The following NPIPB8 variants were observed in gnomAD, a reference collection of about 807,000 sequenced individuals.
NPIPB8 encodes the protein nuclear pore complex-interacting protein family member B8.
A neutral mutation model predicts 5.3 loss-of-function variants in NPIPB8; 3 were observed. The observed-to-expected ratio is 0.57, with a 90% CI of 0.26 to 1.47. The LOEUF (loss-of-function observed/expected upper bound fraction) is 1.47, where lower values mean the gene tolerates loss of function less well. NPIPB8 is among the 40% of genes most tolerant of loss of function. NPIPB8 has a pLI of 0.13. For synonymous variants in NPIPB8, 18 were observed against 23.0 expected (o/e 0.78, Z 0.62); for missense variants, 50 against 50.2 (o/e 1.00, Z 0.01).
intron 2 of NPIPB8, among the ~76,000 whole-genome samples, chr16:28,639,456 T>TA (rs773775499): frequency 0.42 from 36,203 of 86,284 alleles, 6,027 homozygotes; most frequent in Admixed American, 0.48. Flanking sequence ...TATATATATA[T>TA]TTTTTTTTTT....
chr16:28,638,348 T>A lies in NPIPB8; in HGVS notation c.-13T>A, dbSNP rs746001574. The A allele has an allele frequency of 7.0e-6, 11 of 1,566,126 alleles. No individual in the cohort carries two copies. Among genetic ancestry groups the A allele is most frequent in the Non-Finnish European group, 9.5e-6 (11 of 1,163,500 alleles). The stretch of plus-strand genomic sequence containing the variant: ...GTTGGCACTCATCATGAGCCCCTGT[T>A]CTCATTCTGCAAATGGTGAAGCTCT... On this transcript the variant is annotated 5_prime_UTR_variant, in exon 2 of 8. Transcript: ENST00000683297.
At chr16:28,640,381 G>T (rs556786801) in intron 2 of NPIPB8, among the ~76,000 whole-genome samples, 18 of 152,244 alleles carry the variant, frequency 1.2e-4, no homozygotes, top group African/African-American at 3.6e-4. Context: ...GAGAATAAAG[G>T]AGCAGCCTCC....
chr16:28,652,704 C>G (rs1343456383), intron 5 of NPIPB8, among the ~76,000 whole-genome samples: 1 of 125,882 alleles, frequency 7.9e-6, no homozygotes, highest in Admixed American at 8.0e-5. Context: ...TGGCTTCAAG[C>G]AATTCTCCTG....
intron 2 of NPIPB8, among the ~76,000 whole-genome samples, chr16:28,643,042 G>C (rs901790161): frequency 6.6e-6 from 1 of 151,922 alleles, no homozygotes; most frequent in Non-Finnish European, 1.5e-5. Flanking sequence ...AGACAGTGGG[G>C]GTCTGTCCTG....
chr16:28,642,323 C>G (rs1246410508), intron 2 of NPIPB8, among the ~76,000 whole-genome samples: 1 of 151,972 alleles, frequency 6.6e-6, no homozygotes, highest in African/African-American at 2.4e-5. Flanking sequence ...TCAGGCTGGT[C>G]TCGAACTCCT....
Position 28,651,645 on chromosome 16 carries a change from T to A in NPIPB8, c.304-312T>A, listed in dbSNP as rs1298445919. Reference sequence around the variant, plus strand: ...GTGTGTGTGTGTGTGTGTGTGTGTGTGAGAGACAGAGTCTCATTCTGTCGC... The same window carrying A: ...GTGTGTGTGTGTGTGTGTGTGTGTGAGAGAGACAGAGTCTCATTCTGTCGC... On this transcript the variant is annotated intron_variant, in intron 3 of 7. Coordinates refer to ENST00000683297, the MANE Select transcript of NPIPB8 (RefSeq NM_001310136.2). Among the ~76,000 whole-genome samples, 199 of 72,684 alleles carry A rather than the reference T, an allele frequency of 2.7e-3. 24 individuals are homozygous for A. Among genetic ancestry groups the A allele is most frequent in the East Asian group, 7.5e-3 (20 of 2,652 alleles). 47.7% of individuals were successfully genotyped at this position (72,684 alleles called of 152,430 possible).
At chr16:28,652,920 T>C (rs1406657213) in intron 5 of NPIPB8, among the ~76,000 whole-genome samples, 1 of 127,798 alleles carries the variant, frequency 7.8e-6, no homozygotes, top group Non-Finnish European at 1.7e-5. Context: ...TTTTTTTTTT[T>C]AATTTTGAGA....
chr16:28,642,724 C>T (rs538051813), intron 2 of NPIPB8, among the ~76,000 whole-genome samples: 211 of 151,528 alleles, frequency 1.4e-3, no homozygotes, highest in South Asian at 2.9e-3. Context: ...CCTTGTGATC[C>T]GCCCACCTCG....
chr16:28,643,317 G>T (rs905498696), intron 2 of NPIPB8, among the ~76,000 whole-genome samples: 1 of 133,948 alleles, frequency 7.5e-6, no homozygotes, highest in African/African-American at 2.8e-5. Context: ...ATCATCACTC[G>T]GTTTCGGATG....
chr16:28,645,039 CTTTT>C (rs1241912180), intron 2 of NPIPB8, among the ~76,000 whole-genome samples: 10 of 66,304 alleles, frequency 1.5e-4, no homozygotes, highest in African/African-American at 6.7e-4. Flanking sequence ...GGTTTGATGA[CTTTT>C]TTTTTTTTTT....
At chr16:28,644,806 G>T (rs565537015) in intron 2 of NPIPB8, among the ~76,000 whole-genome samples, 15 of 84,942 alleles carry the variant, frequency 1.8e-4, no homozygotes, top group Admixed American at 3.8e-4. Context: ...ACTAGCCAGG[G>T]CATCATGGCG....
chr16:28,640,641 G>A (rs1433745377), intron 2 of NPIPB8, among the ~76,000 whole-genome samples: 3 of 152,070 alleles, frequency 2.0e-5, no homozygotes, highest in Non-Finnish European at 2.9e-5. Flanking sequence ...AAGAGAGTGG[G>A]GAACTGATGG....
At chr16:28,639,003 A>G (rs1428824897) in intron 2 of NPIPB8, among the ~76,000 whole-genome samples, 2 of 149,252 alleles carry the variant, frequency 1.3e-5, no homozygotes, top group African/African-American at 2.5e-5. Flanking sequence ...CAGGAGGTGG[A>G]GGTTTTAGTG....
intron 5 of NPIPB8, among the ~76,000 whole-genome samples, chr16:28,652,704 C>A (rs1343456383): frequency 7.9e-6 from 1 of 125,882 alleles, no homozygotes; most frequent in Non-Finnish European, 1.7e-5. Flanking sequence ...TGGCTTCAAG[C>A]AATTCTCCTG....
At chr16:28,654,008 C>CT (rs1159787064) in intron 5 of NPIPB8, among the ~76,000 whole-genome samples, 1 of 36,004 alleles carries the variant, frequency 2.8e-5, no homozygotes, top group Non-Finnish European at 5.3e-5. Context: ...GCGAGGCTGA[C>CT]TTTCGTCCTG....
At chr16:28,642,034 G>C (rs1054882723) in intron 2 of NPIPB8, among the ~76,000 whole-genome samples, 11 of 151,060 alleles carry the variant, frequency 7.3e-5, no homozygotes, top group African/African-American at 2.4e-4. Context: ...ATTCACTTTT[G>C]CTCTAATCTG....
rs564997442 is a variant in NPIPB8, at chr16:28,642,532, T to G, written c.120+4052T>G. Among the ~76,000 whole-genome samples, 236 of 151,148 alleles carry G rather than the reference T, an allele frequency of 1.6e-3. 1 individual carries two copies. The highest frequency in any genetic ancestry group is 1.1e-3 in the Non-Finnish European group (72 of 67,678). On this transcript the variant is annotated intron_variant, in intron 2 of 7. Transcript: ENST00000683297. ...CAGAGTCTCGCTCTGTCGCCTAGGC[T>G]GGAGTGCAGTGGTGCAATCTCGGCT...
chr16:28,639,398 T>TCC (rs1567328544), intron 2 of NPIPB8, among the ~76,000 whole-genome samples: 2 of 141,018 alleles, frequency 1.4e-5, no homozygotes, highest in African/African-American at 5.3e-5. Flanking sequence ...TTTATATAGA[T>TCC]ACACACACAC....
At chr16:28,645,039 C>CTTT (rs1241912180) in intron 2 of NPIPB8, among the ~76,000 whole-genome samples, 2 of 66,308 alleles carry the variant, frequency 3.0e-5, no homozygotes, top group Non-Finnish European at 5.9e-5. Context: ...GGTTTGATGA[C>CTTT]TTTTTTTTTT....
Sources: allele counts gnomAD v4.1 joint callset (sites outside exome capture counted in the v4.1 genomes callset), GRCh38; gene constraint gnomAD v4.1.1; transcripts MANE v1.5; gene names NCBI Gene and HGNC (gene_info 2026-07-23, HGNC 2026-07-21).